The following PMEPA1 variants were observed in gnomAD, a reference collection of about 807,000 sequenced individuals.
PMEPA1 encodes prostate transmembrane protein, androgen induced 1, also known as protein TMEPAI.
A neutral mutation model predicts 23.0 loss-of-function variants in PMEPA1; 11 were observed. The ratio of observed to expected loss-of-function variants is 0.48; its 90% CI spans 0.30 to 0.79. PMEPA1 has a LOEUF of 0.79. Among genes scored for constraint, PMEPA1 ranks in the 30% least tolerant of loss-of-function variants. The pLI is 0.06. For missense variants in PMEPA1, 377 were observed against 390.9 expected, an observed-to-expected ratio of 0.96 and a Z score of 0.30; for synonymous variants, 204 against 166.4, an observed-to-expected ratio of 1.23 and a Z score of -1.74.
intron 1 of PMEPA1, among the ~76,000 whole-genome samples, chr20:57,688,197 T>C (rs2071826966): frequency 6.6e-6 from 1 of 152,214 alleles, no homozygotes; most frequent in Non-Finnish European, 1.5e-5. Flanking sequence ...TCCGTTTTCC[T>C]CCTCAGGTCA....
intron 1 of PMEPA1, among the ~76,000 whole-genome samples, chr20:57,697,553 C>T (rs1416538360): frequency 6.6e-6 from 1 of 152,234 alleles, no homozygotes; most frequent in Non-Finnish European, 1.5e-5. Flanking sequence ...TAGACAGACA[C>T]CAATGACACG....
chr20:57,651,968 C>T lies in PMEPA1; in HGVS notation c.*85G>A, dbSNP rs574903284. The T allele has an allele frequency of 1.1e-5, 13 of 1,206,756 alleles. No homozygotes were observed. In the East Asian group the frequency reaches 2.9e-4, roughly 27 times the overall value. 74.8% of individuals were successfully genotyped at this position (1,206,756 alleles called of 1,614,324 possible). ...CCACACGATGCGTTGCTGCGCCCCCCGCCTTCCTCTCACTCCTCTTCTAAG... is the reference window on the plus strand; with the variant it reads ...CCACACGATGCGTTGCTGCGCCCCCTGCCTTCCTCTCACTCCTCTTCTAAG... On this transcript the variant is annotated 3_prime_UTR_variant, in exon 4 of 4. Transcript: ENST00000341744.
In PMEPA1 at chr20:57,704,413, C is replaced by T. The variant is rs540575327; in HGVS notation, c.109+5061G>A. Reference sequence around the variant, plus strand: ...GTAGGTCCGTCTCCCGCACAGCTCCCGCACGTGCCCCAACCATGCGTGCGT... The same window carrying T: ...GTAGGTCCGTCTCCCGCACAGCTCCTGCACGTGCCCCAACCATGCGTGCGT... On this transcript the variant is annotated intron_variant, in intron 1 of 3. Transcript: ENST00000341744. The surrounding 1 kb of genome is among the most constrained non-coding windows in gnomAD (Gnocchi z 4.6). 7.9e-5 allele frequency among the ~76,000 whole-genome samples: 12 copies of T among 152,320 alleles called. No individual in the cohort carries two copies. Among genetic ancestry groups the T allele is most frequent in the African/African-American group, 2.4e-4 (10 of 41,574 alleles).
At chr20:57,693,152 C>T (rs1002091089) in intron 1 of PMEPA1, among the ~76,000 whole-genome samples, 4 of 152,334 alleles carry the variant, frequency 2.6e-5, no homozygotes, top group East Asian at 1.9e-4. Flanking sequence ...GCCTACCCCA[C>T]GCCTCCCAGG....
At chr20:57,710,186 C>T, upstream of PMEPA1, 1 of 508,774 alleles carries the variant, frequency 2.0e-6, no homozygotes, top group Non-Finnish European at 3.0e-6. Flanking sequence ...CCCACGTAGA[C>T]CCGGCACCCG....
At chr20:57,657,210 C>CA (rs2071338552) in intron 2 of PMEPA1, among the ~76,000 whole-genome samples, 1 of 152,188 alleles carries the variant, frequency 6.6e-6, no homozygotes, top group African/African-American at 2.4e-5. Context: ...GCCGCACAGG[C>CA]CTAGCTTCAA....
At chr20:57,697,082 A>G (rs1392557161) in intron 1 of PMEPA1, among the ~76,000 whole-genome samples, 1 of 152,050 alleles carries the variant, frequency 6.6e-6, no homozygotes, top group Non-Finnish European at 1.5e-5. Context: ...CGTCCTTAGA[A>G]CTCATGGAAG....
Position 57,655,040 on chromosome 20 carries a change from C to A in PMEPA1, c.265-1954G>T, listed in dbSNP as rs899749620. The stretch of plus-strand genomic sequence containing the variant: ...CAACCCCTTACCGAGGCCCATACCC[C>A]CTAGATGTCCACGGCCGTAGTATAG... On this transcript the variant is annotated intron_variant, in intron 2 of 3. Transcript: ENST00000341744. This position sits in a 1 kb window ranked among gnomAD's most constrained non-coding sequence, Gnocchi z 4.2. 6.6e-6 allele frequency among the ~76,000 whole-genome samples: 1 copy of A among 151,510 alleles called. No individual in the cohort carries two copies. The highest frequency in any genetic ancestry group is 1.5e-5 in the Non-Finnish European group (1 of 67,876).
intron 2 of PMEPA1, among the ~76,000 whole-genome samples, chr20:57,658,008 T>G (rs938405354): frequency 2.6e-5 from 4 of 152,194 alleles, no homozygotes; most frequent in African/African-American, 7.2e-5. Context: ...ACATCCTGGG[T>G]GCAGAGATGG....
chr20:57,659,799 A>T, intron 1 of PMEPA1, 102 bp from the exon 2 acceptor site: 1 of 1,080,436 alleles, frequency 9.3e-7, no homozygotes, highest in Non-Finnish European at 1.3e-6. Flanking sequence ...GGGGGACGAG[A>T]GTGCAACCCA....
At chr20:57,664,014 C>A (rs2071458615) in intron 1 of PMEPA1, among the ~76,000 whole-genome samples, 1 of 152,262 alleles carries the variant, frequency 6.6e-6, no homozygotes, top group Non-Finnish European at 1.5e-5. Context: ...CACTTTCACA[C>A]CCATGGTGCT....
At position 57,705,065 on chromosome 20, in the gene PMEPA1, C is replaced by T. The variant is rs1422827051; in HGVS notation, c.109+4409G>A. Among the ~76,000 whole-genome samples the T allele has an allele frequency of 7.9e-5, 12 of 152,298 alleles. No individual in the cohort carries two copies. The South Asian group carries it at 1.4e-3, about 18-fold the overall frequency. ...GCCCAGAAGTTTTAACCATTCCCAACCCAAAGAGAAGAGGGCAGGAAAGAC... is the reference window on the plus strand; with the variant it reads ...GCCCAGAAGTTTTAACCATTCCCAATCCAAAGAGAAGAGGGCAGGAAAGAC... On this transcript the variant is annotated intron_variant, in intron 1 of 3. Coordinates refer to ENST00000341744, the MANE Select transcript of PMEPA1 (RefSeq NM_020182.5).
intron 1 of PMEPA1, among the ~76,000 whole-genome samples, chr20:57,689,658 T>C (rs1305811674): frequency 3.3e-5 from 5 of 152,234 alleles, no homozygotes; most frequent in African/African-American, 1.2e-4. Context: ...CTCATGATGA[T>C]CAGCTTAGAA....
rs926525979 is a variant in PMEPA1, at chr20:57,656,519, C to G, written c.264+3024G>C. 1.3e-5 allele frequency among the ~76,000 whole-genome samples: 2 copies of G among 152,100 alleles called. No homozygotes were observed. The highest frequency in any genetic ancestry group is 2.9e-5 in the Non-Finnish European group (2 of 68,018). The stretch of plus-strand genomic sequence containing the variant: ...GGTAAACCTGAAGTCTGCGCCACTC[C>G]GTGGCTGGGCGGTCACTGCAGTGAC... On this transcript the variant is annotated intron_variant, in intron 2 of 3. Transcript: ENST00000341744. The surrounding 1 kb of genome is among the most constrained non-coding windows in gnomAD (Gnocchi z 4.7).
chr20:57,710,270 G>C, upstream of PMEPA1: 1 of 623,216 alleles, frequency 1.6e-6, no homozygotes, highest in Non-Finnish European at 2.5e-6. Flanking sequence ...CGCACGCCCG[G>C]GGCCGGGGAG....
Position 57,688,348 on chromosome 20 carries a change from T to TGTGGGGAGGA in PMEPA1, c.109+21125_109+21126insTCCTCCCCAC, listed in dbSNP as rs1555882559. 2.4e-3 allele frequency among the ~76,000 whole-genome samples: 369 copies of TGTGGGGAGGA among 151,376 alleles called. 2 individuals are homozygous for TGTGGGGAGGA. Among genetic ancestry groups the TGTGGGGAGGA allele is most frequent in the African/African-American group, 8.5e-3 (352 of 41,176 alleles). ...TGACCTTAGGAAGGAGACACTTCTT[T>TGTGGGGAGGA]GTGGGGTGGGCTGTTCTGGGCATGG... On this transcript the variant is annotated intron_variant, in intron 1 of 3. Coordinates refer to ENST00000341744, the MANE Select transcript of PMEPA1 (RefSeq NM_020182.5).
At chr20:57,703,496 C>A (rs928105608) in intron 1 of PMEPA1, among the ~76,000 whole-genome samples, 3 of 152,182 alleles carry the variant, frequency 2.0e-5, no homozygotes, top group Admixed American at 6.5e-5. Flanking sequence ...AGCCTCTGTC[C>A]ACCAAGCCTG....
At chr20:57,662,084 T>C (rs1349486790) in intron 1 of PMEPA1, among the ~76,000 whole-genome samples, 1 of 151,646 alleles carries the variant, frequency 6.6e-6, no homozygotes, top group East Asian at 1.9e-4. Flanking sequence ...CGCCATTGTC[T>C]ACACTGCTAA....
chr20:57,693,389 C>G lies in PMEPA1; in HGVS notation c.109+16085G>C, dbSNP rs558838021. On this transcript the variant is annotated intron_variant, in intron 1 of 3. Coordinates refer to ENST00000341744, the MANE Select transcript of PMEPA1 (RefSeq NM_020182.5). ...TAGGATGAGACTCAAGCCCAGGATC[C>G]GAGACCTGCATCCAGGAAGGTCTGC... Among the ~76,000 whole-genome samples, 16 of 152,312 alleles carry G rather than the reference C, an allele frequency of 1.1e-4. No homozygotes were observed. In the East Asian group the frequency reaches 3.1e-3, roughly 29 times the overall value.
Sources: gnomAD v4.1 joint callset for allele counts (sites outside exome capture counted in the v4.1 genomes callset) on GRCh38, gnomAD v4.1.1 for gene constraint, Gnocchi (gnomAD v3.1) non-coding constraint, MANE v1.5 for transcripts, NCBI Gene and HGNC (gene_info 2026-07-23, HGNC 2026-07-21) for gene names.